The following GREB1 variants were observed in gnomAD, a reference collection of about 807,000 sequenced individuals.
The protein encoded by GREB1 is protein GREB1.
Under a neutral mutation model 200.7 loss-of-function variants are expected in GREB1, and 106 were observed. The observed-to-expected ratio is 0.53, with a 90% CI of 0.45 to 0.62. GREB1 has a LOEUF of 0.62. GREB1 is among the 20% of genes least tolerant of loss of function. The pLI is 0.00. For synonymous variants in GREB1, 1,132 were observed against 1,092.4 expected (o/e 1.04, Z -0.72); for missense variants, 2,243 against 2,556.8 (o/e 0.88, Z 2.65).
intron 7 of GREB1, 116 bp from the exon 8 acceptor site, chr2:11,585,045 T>C: frequency 1.9e-6 from 1 of 526,924 alleles, no homozygotes. Flanking sequence ...CACGTGAATC[T>C]GTGATTAGAA....
intron 1 of GREB1, among the ~76,000 whole-genome samples, chr2:11,490,644 G>A (rs1672756611): frequency 6.6e-6 from 1 of 152,176 alleles, no homozygotes; most frequent in South Asian, 2.1e-4. Context: ...TGCCTCCAAG[G>A]TTCAAGTGAT....
chr2:11,591,458 G>A (rs1475898090), intron 10 of GREB1: 5 of 719,042 alleles, frequency 7.0e-6, no homozygotes, highest in Non-Finnish European at 1.3e-5. Flanking sequence ...AATACCAGAA[G>A]GAAACAAATA....
In GREB1 at chr2:11,610,706, C is replaced by T. The variant is rs62118319; in HGVS notation, c.2685C>T (p.Ser895=). The T allele has an allele frequency of 6.3e-3, 10,200 of 1,612,316 alleles. 84 individuals are homozygous for T. Among genetic ancestry groups the T allele is most frequent in the South Asian group, 0.023 (2,100 of 90,986 alleles). Residue 895 remains serine, a synonymous_variant, in exon 18 of 33, where the codon AGC becomes AGT. Coordinates refer to ENST00000381486, the MANE Select transcript of GREB1 (RefSeq NM_014668.4). ...ALGKRFPRLH[S]AVIRTFVLVQ... ...CTTGCAGGTTCCCCCGCCTGCACAG[C>T]GCGGTGATCAGGACCTTTGTTCTCG...
chr2:11,584,241 C>T (rs966240461), intron 7 of GREB1, among the ~76,000 whole-genome samples: 29 of 152,102 alleles, frequency 1.9e-4, no homozygotes, highest in African/African-American at 6.8e-4. Context: ...TCTGGTTAGT[C>T]AAGAAACTAT....
chr2:11,484,627 GA>G (rs148207864), intron 1 of GREB1, among the ~76,000 whole-genome samples: 10 of 148,612 alleles, frequency 6.7e-5, no homozygotes, highest in African/African-American at 1.0e-4. Context: ...GAAAAAGAAA[GA>G]AAAAAAATTA....
At chr2:11,573,527 C>T (rs1678527934) in intron 4 of GREB1, among the ~76,000 whole-genome samples, 1 of 152,176 alleles carries the variant, frequency 6.6e-6, no homozygotes, top group African/African-American at 2.4e-5. Context: ...TTCTCATGAA[C>T]ATTTTTGTTG....
intron 10 of GREB1, among the ~76,000 whole-genome samples, chr2:11,590,352 G>A (rs1234335008): frequency 6.6e-6 from 1 of 152,026 alleles, no homozygotes; most frequent in African/African-American, 2.4e-5. Flanking sequence ...GCCCTGCCGC[G>A]GCTTCCCATC....
chr2:11,572,116 A>AT (rs1365178103), intron 4 of GREB1, among the ~76,000 whole-genome samples: 1 of 152,066 alleles, frequency 6.6e-6, no homozygotes, highest in African/African-American at 2.4e-5. Flanking sequence ...TCAGATTTGC[A>AT]TTTTTTCATG....
intron 1 of GREB1, among the ~76,000 whole-genome samples, chr2:11,503,210 C>G (rs1210407372): frequency 6.6e-6 from 1 of 152,152 alleles, no homozygotes; most frequent in East Asian, 1.9e-4. Flanking sequence ...CCTCCCTCAT[C>G]CCAGAGGGAC....
intron 4 of GREB1, among the ~76,000 whole-genome samples, chr2:11,573,811 G>A (rs78839647): frequency 0.011 from 1,680 of 152,350 alleles, 21 homozygotes; most frequent in African/African-American, 0.038. Context: ...TCCCAGCGGA[G>A]GAGATGGAGA....
chr2:11,573,545 C>T (rs1468410588), intron 4 of GREB1, among the ~76,000 whole-genome samples: 1 of 152,180 alleles, frequency 6.6e-6, no homozygotes, highest in African/African-American at 2.4e-5. Context: ...TTGCCTTTCC[C>T]ATACCTTCTT....
At chr2:11,536,160 C>T (rs1333574064) in intron 1 of GREB1, among the ~76,000 whole-genome samples, 4 of 152,080 alleles carry the variant, frequency 2.6e-5, no homozygotes, top group South Asian at 2.1e-4. Flanking sequence ...AGCTCAGTTT[C>T]GGGAGGTCAG....
intron 9 of GREB1, 189 bp from the exon 10 acceptor site, chr2:11,588,557 C>G: frequency 1.5e-6 from 1 of 665,056 alleles, no homozygotes; most frequent in Non-Finnish European, 2.8e-6. Flanking sequence ...AAGGTGACTC[C>G]TCTCATCCTA....
At chr2:11,587,394 G>C in intron 9 of GREB1, 1 of 1,612,882 alleles carries the variant, frequency 6.2e-7, no homozygotes, top group Non-Finnish European at 8.5e-7. Flanking sequence ...TTTGTAAATG[G>C]TGCTACCCAA....
intron 1 of GREB1, among the ~76,000 whole-genome samples, chr2:11,515,956 A>G (rs1421888736): frequency 6.6e-6 from 1 of 152,244 alleles, no homozygotes; most frequent in Non-Finnish European, 1.5e-5. Context: ...GGCATGCCGC[A>G]GAAACACAAC....
upstream of GREB1, chr2:11,533,972 C>G (rs1286434187): frequency 6.6e-6 from 1 of 152,146 alleles, no homozygotes; most frequent in Non-Finnish European, 1.5e-5. Context: ...CAACAGCTCT[C>G]AAAAACTTCA....
intron 1 of GREB1, among the ~76,000 whole-genome samples, chr2:11,498,857 C>T (rs1050964542): frequency 9.9e-5 from 15 of 152,176 alleles, no homozygotes; most frequent in African/African-American, 3.4e-4. Context: ...GTTGTCAGCC[C>T]CTGTGACATC....
chr2:11,631,847 T>A, intron 26 of GREB1, 62 bp from the exon 27 acceptor site: 3 of 1,240,470 alleles, frequency 2.4e-6, no homozygotes, highest in Non-Finnish European at 3.6e-6. Flanking sequence ...AAGTCACATG[T>A]CAAGGGAATA....
intron 4 of GREB1, among the ~76,000 whole-genome samples, chr2:11,569,305 T>C (rs1050380636): frequency 6.6e-6 from 1 of 152,172 alleles, no homozygotes; most frequent in Non-Finnish European, 1.5e-5. Context: ...AATGAAAGCC[T>C]GGACCTTCAG....
Sources: gnomAD v4.1 joint callset for allele counts (sites outside exome capture counted in the v4.1 genomes callset) on GRCh38, gnomAD v4.1.1 for gene constraint, MANE v1.5 for transcripts, NCBI Gene and HGNC (gene_info 2026-07-23, HGNC 2026-07-21) for gene names.